Variants in GNG4 observed in about 807,000 individuals in gnomAD.
GNG4 encodes the protein G protein subunit gamma 4.
Under a neutral mutation model 5.8 loss-of-function variants are expected in GNG4, and 4 were observed. The observed-to-expected ratio is 0.69, with a 90% confidence interval of 0.34 to 1.57. The LOEUF (loss-of-function observed/expected upper bound fraction) is 1.57. Among genes scored for constraint, GNG4 ranks in the 40% most tolerant of loss-of-function variants. GNG4 has a pLI of 0.06. For synonymous variants in GNG4, 29 were observed against 32.9 expected, an observed-to-expected ratio of 0.88 and a Z score of 0.41; for missense variants, 96 against 95.1, an observed-to-expected ratio of 1.01 and a Z score of -0.04.
chr1:235,625,546 G>A (rs1174913543), intron 1 of GNG4, among the ~76,000 whole-genome samples: 1 of 152,156 alleles, frequency 6.6e-6, no homozygotes, highest in East Asian at 1.9e-4. Context: ...GTCACACAGA[G>A]GAGTTTCCTG....
intron 2 of GNG4, among the ~76,000 whole-genome samples, chr1:235,586,676 AGT>A (rs966421599): frequency 6.6e-6 from 1 of 152,092 alleles, no homozygotes; most frequent in Non-Finnish European, 1.5e-5. Context: ...GTTGTTTAAA[AGT>A]GTGTGTCGCC....
chr1:235,594,973 C>T (rs184927948), intron 2 of GNG4, among the ~76,000 whole-genome samples: 171 of 152,338 alleles, frequency 1.1e-3, no homozygotes, highest in African/African-American at 4.0e-3. Flanking sequence ...TGAAGGGACC[C>T]AGCAGCTTAA....
At chr1:235,574,135 C>A (rs905066759) in intron 3 of GNG4, among the ~76,000 whole-genome samples, 1 of 152,104 alleles carries the variant, frequency 6.6e-6, no homozygotes, top group African/African-American at 2.4e-5. Context: ...CTTTGAGAGG[C>A]CAAGATGGGA....
chr1:235,587,609 G>C (rs1558486366), intron 2 of GNG4, among the ~76,000 whole-genome samples: 2 of 24,814 alleles, frequency 8.1e-5, no homozygotes, highest in Non-Finnish European at 1.5e-4. Context: ...GAGGGCATGG[G>C]GTGGGGTGTG....
intron 1 of GNG4, among the ~76,000 whole-genome samples, chr1:235,635,544 G>A (rs1189355669): frequency 1.2e-4 from 3 of 24,634 alleles, no homozygotes; most frequent in Admixed American, 7.2e-4. Context: ...GGCCTGGTGG[G>A]AGGCGTTTGA....
In GNG4 at chr1:235,597,192, C is replaced by T. The variant is rs969417550; in HGVS notation, c.-122-1681G>A. Among the ~76,000 whole-genome samples the T allele has an allele frequency of 4.6e-5, 7 of 152,356 alleles. No individual in the cohort carries two copies. In the South Asian group the frequency reaches 1.4e-3, roughly 32 times the overall value. On this transcript the variant is annotated intron_variant, in intron 1 of 3. Coordinates refer to ENST00000391854, the MANE Select transcript of GNG4 (RefSeq NM_001098722.2). ...CCCCAAGGGTTTTCCGAATGCTCTG[C>T]CCTACGGCATCCATCTCCGAGGCAT...
chr1:235,633,659 T>C (rs565074339), intron 1 of GNG4, among the ~76,000 whole-genome samples: 1 of 152,108 alleles, frequency 6.6e-6, no homozygotes, highest in Non-Finnish European at 1.5e-5. Context: ...AGCTAATTTT[T>C]AAAATTTTTT....
chr1:235,558,914 A>C (rs1008114689), intron 3 of GNG4, among the ~76,000 whole-genome samples: 1 of 152,222 alleles, frequency 6.6e-6, no homozygotes, highest in African/African-American at 2.4e-5. Context: ...ATCACATTTC[A>C]GAGTAAAAGA....
At chr1:235,641,151 C>T (rs188426843) in intron 1 of GNG4, among the ~76,000 whole-genome samples, 145 of 152,230 alleles carry the variant, frequency 9.5e-4, no homozygotes, top group African/African-American at 3.3e-3. Context: ...TTTGGGAGGC[C>T]GAAGTGGGAG....
chr1:235,557,148 T>C (rs892630486), intron 3 of GNG4, among the ~76,000 whole-genome samples: 1 of 151,512 alleles, frequency 6.6e-6, no homozygotes, highest in African/African-American at 2.4e-5. Context: ...GGACCCGTTT[T>C]ATACTACACA....
At chr1:235,583,932 C>A in intron 2 of GNG4, 84 bp from the exon 3 acceptor site, 1 of 736,204 alleles carries the variant, frequency 1.4e-6, no homozygotes, top group South Asian at 2.0e-5. Context: ...TACAGCTTCT[C>A]TGTCCAAGCC....
chr1:235,579,862 A>AAAAAAAAAAAAAAAAAAAT lies in GNG4; in HGVS notation c.99+3877_99+3878insATTTTTTTTTTTTTTTTTT, dbSNP rs57019025. ...TGAGACTCCATCTCTCAAAAAAAAA[A>AAAAAAAAAAAAAAAAAAAT]AGGTAAAAAGGTTGAACATAGAGTT... On this transcript the variant is annotated intron_variant, in intron 3 of 3. Transcript: ENST00000391854. 3.8e-3 allele frequency among the ~76,000 whole-genome samples: 413 copies of AAAAAAAAAAAAAAAAAAAT among 108,486 alleles called. 42 individuals carry two copies. Among genetic ancestry groups the AAAAAAAAAAAAAAAAAAAT allele is most frequent in the Middle Eastern group, 9.4e-3 (2 of 212 alleles). The allele number at this position is 108,486 out of a possible 152,430, so 71.2% of individuals were successfully genotyped here. A position where few individuals can be genotyped will look rare whatever the true frequency, so the allele number is the denominator to read the frequency against.
At chr1:235,620,221 C>T (rs1006203364) in intron 1 of GNG4, among the ~76,000 whole-genome samples, 3 of 152,006 alleles carry the variant, frequency 2.0e-5, no homozygotes, top group African/African-American at 7.2e-5. Flanking sequence ...AAAAATTAGG[C>T]GGGCATGTTG....
At chr1:235,566,836 T>C (rs1687209843) in intron 3 of GNG4, 1 of 152,278 alleles carries the variant, frequency 6.6e-6, no homozygotes, top group Non-Finnish European at 1.5e-5. Flanking sequence ...CATGAAGCCC[T>C]CTAGCACAGC....
At chr1:235,623,915 G>C (rs1454756832) in intron 1 of GNG4, among the ~76,000 whole-genome samples, 1 of 152,142 alleles carries the variant, frequency 6.6e-6, no homozygotes, top group Non-Finnish European at 1.5e-5. Flanking sequence ...CTACTAAAGA[G>C]ACAAAATGGA....
At chr1:235,566,425 T>C (rs924888501) in intron 3 of GNG4, among the ~76,000 whole-genome samples, 1 of 152,240 alleles carries the variant, frequency 6.6e-6, no homozygotes, top group African/African-American at 2.4e-5. Flanking sequence ...TATGAGAACC[T>C]AATGCCTGAT....
At chr1:235,587,919 A>AGTGTAAGTGTAC (rs71174444) in intron 2 of GNG4, among the ~76,000 whole-genome samples, 60,173 of 149,812 alleles carry the variant, frequency 0.4, 12,956 homozygotes, top group East Asian at 0.78. Flanking sequence ...TGTGGGTATA[A>AGTGTAAGTGTAC]GTGTGAGTCC....
chr1:235,587,770 T>C (rs368289488), intron 2 of GNG4, among the ~76,000 whole-genome samples: 52,608 of 133,976 alleles, frequency 0.39, 11,191 homozygotes, highest in East Asian at 0.78. Context: ...TGGGAGAGTG[T>C]GGGGTGGGGG....
chr1:235,556,440 C>T (rs1265991762), intron 3 of GNG4, among the ~76,000 whole-genome samples: 2 of 151,470 alleles, frequency 1.3e-5, no homozygotes, highest in Non-Finnish European at 2.9e-5. Flanking sequence ...TGCCTGTAAT[C>T]CCAGCTACTC....
Sources: allele counts gnomAD v4.1 joint callset (sites outside exome capture counted in the v4.1 genomes callset), GRCh38; gene constraint gnomAD v4.1.1; transcripts MANE v1.5; gene names NCBI Gene and HGNC (gene_info 2026-07-23, HGNC 2026-07-21).